Variants in ACACA observed in about 807,000 individuals in gnomAD.
ACACA encodes acetyl-CoA carboxylase alpha.
A neutral mutation model predicts 296.1 loss-of-function variants in ACACA; 103 were observed. The ratio of observed to expected loss-of-function variants is 0.35; its 90% CI spans 0.30 to 0.41. The LOEUF (loss-of-function observed/expected upper bound fraction) is 0.41. Among genes scored for constraint, ACACA ranks in the 10% least tolerant of loss-of-function variants. The pLI, the probability that ACACA is intolerant of heterozygous loss-of-function variation, is 1.00. For missense variants in ACACA, 1,554 were observed against 2,989.7 expected (o/e 0.52, Z 11.20); for synonymous variants, 953 against 1,038.6 (o/e 0.92, Z 1.58).
At chr17:37,312,512 C>A (rs1275759671) in intron 3 of ACACA, among the ~76,000 whole-genome samples, 1 of 152,136 alleles carries the variant, frequency 6.6e-6, no homozygotes, top group African/African-American at 2.4e-5. Context: ...ATATTGAAAG[C>A]ACTTAGTGCT....
rs112427568 is a variant in ACACA at position 37,203,111 on chromosome 17, G to A, written c.4057-2628C>T. ...CGAGTAGCTGGCGCTACAGGCGCCC[G>A]CCACCACACCTGGCTAATTTTTGTA... On this transcript the variant is annotated intron_variant, in intron 33 of 55. Transcript: ENST00000616317. Among the ~76,000 whole-genome samples the A allele has an allele frequency of 7.0e-3, 1,066 of 151,940 alleles. 3 individuals are homozygous for A. Among genetic ancestry groups the A allele is most frequent in the South Asian group, 0.017 (82 of 4,804 alleles).
intron 33 of ACACA, among the ~76,000 whole-genome samples, chr17:37,202,276 C>T (rs1383084161): frequency 1.3e-5 from 2 of 152,060 alleles, no homozygotes; most frequent in Non-Finnish European, 2.9e-5. Context: ...ATTGTTATTG[C>T]TTTTAAAATT....
chr17:37,129,555 A>G, intron 46 of ACACA, 70 bp from the exon 47 acceptor site: 3 of 1,602,856 alleles, frequency 1.9e-6, no homozygotes, highest in Non-Finnish European at 2.6e-6. Context: ...CAGCAACAAT[A>G]GTTATAGACA....
intron 22 of ACACA, among the ~76,000 whole-genome samples, 166 bp from the exon 23 acceptor site, chr17:37,242,219 T>C (rs2080449352): frequency 6.6e-6 from 1 of 152,096 alleles, no homozygotes; most frequent in African/African-American, 2.4e-5. Context: ...ATATAGAGAA[T>C]CACGCTACAT....
intron 30 of ACACA, among the ~76,000 whole-genome samples, chr17:37,208,091 A>G (rs549772611): frequency 2.0e-5 from 3 of 152,200 alleles, no homozygotes; most frequent in Non-Finnish European, 2.9e-5. Context: ...ACATTATAAG[A>G]TGTCCAATGA....
rs977670801 is a variant in ACACA, at chr17:37,377,844, C to T, written c.38+28418G>A. 5.1e-6 allele frequency: 8 copies of T among 1,554,902 alleles called. No homozygotes were observed. In the African/African-American group the frequency reaches 9.5e-5, roughly 19 times the overall value. Reference sequence around the variant, plus strand: ...AAATTCTGATTTTCCCCAAACCTTCCCCGGTTCCCCTCCTCCCCCTCTGCT... The same window carrying T: ...AAATTCTGATTTTCCCCAAACCTTCTCCGGTTCCCCTCCTCCCCCTCTGCT... On this transcript the variant is annotated intron_variant, in intron 1 of 55. Transcript: ENST00000616317.
At chr17:37,210,751 CAAAA>C (rs57591064) in intron 29 of ACACA, among the ~76,000 whole-genome samples, 1,040 of 72,420 alleles carry the variant, frequency 0.014, 16 homozygotes, top group African/African-American at 0.048. Context: ...GCTCTATTAC[CAAAA>C]AAAAAAAAAA....
intron 1 of ACACA, among the ~76,000 whole-genome samples, chr17:37,383,176 A>C (rs1056431128): frequency 6.6e-6 from 1 of 152,182 alleles, no homozygotes; most frequent in Non-Finnish European, 1.5e-5. Flanking sequence ...AAGTGGACTT[A>C]AGTCATTTTG....
rs918638304 is a variant in ACACA at position 37,219,669 on chromosome 17, TA to T, written c.3683+2054del. Among the ~76,000 whole-genome samples the T allele has an allele frequency of 6.0e-5, 9 of 148,844 alleles. 1 individual carries two copies. The highest frequency in any genetic ancestry group is 1.2e-4 in the African/African-American group (5 of 40,898). On this transcript the variant is annotated intron_variant, in intron 29 of 55. Transcript: ENST00000616317. ...GGGGGAAAAATATATTTTATATATA[TA>T]AAAAACATATTTTTCATATATATTA...
chr17:37,287,267 T>C (rs1171374531), intron 3 of ACACA, among the ~76,000 whole-genome samples: 1 of 152,200 alleles, frequency 6.6e-6, no homozygotes, highest in Non-Finnish European at 1.5e-5. Flanking sequence ...GCACAATATC[T>C]AGCTTTCTGT....
intron 5 of ACACA, 34 bp downstream of exon 5, chr17:37,283,233 T>A: frequency 6.2e-7 from 1 of 1,613,772 alleles, no homozygotes; most frequent in East Asian, 2.2e-5. Context: ...GTTTTAGTTT[T>A]GAGAGTGATG....
intron 8 of ACACA, 52 bp downstream of exon 8, chr17:37,275,899 T>A (rs2082266599): frequency 6.8e-7 from 1 of 1,472,090 alleles, no homozygotes; most frequent in African/African-American, 1.4e-5. Context: ...GTCCCAAATA[T>A]CCTACTGAGC....
At chr17:37,233,429 G>A (rs964947401) in intron 25 of ACACA, among the ~76,000 whole-genome samples, 8 of 152,178 alleles carry the variant, frequency 5.3e-5, no homozygotes, top group South Asian at 2.1e-4. Context: ...GAAACCCAGC[G>A]ACAGTCTTGG....
chr17:37,224,776 T>A (rs1471059593), intron 27 of ACACA, among the ~76,000 whole-genome samples: 1 of 152,036 alleles, frequency 6.6e-6, no homozygotes, highest in Non-Finnish European at 1.5e-5. Flanking sequence ...CAGGCCTATT[T>A]GATTTTTAAG....
chr17:37,278,212 G>A (rs1276766303), intron 5 of ACACA, among the ~76,000 whole-genome samples: 7 of 152,226 alleles, frequency 4.6e-5, no homozygotes, highest in African/African-American at 1.7e-4. Flanking sequence ...ATATTTAGAA[G>A]CTCTTATAGT....
intron 38 of ACACA, 48 bp from the exon 39 acceptor site, chr17:37,188,528 A>C: frequency 6.3e-7 from 1 of 1,597,188 alleles, no homozygotes; most frequent in Non-Finnish European, 8.6e-7. Flanking sequence ...TCTTCTAACT[A>C]AGACCTGTTT....
intron 15 of ACACA, among the ~76,000 whole-genome samples, chr17:37,252,357 T>C (rs878912506): frequency 3.9e-5 from 6 of 152,198 alleles, no homozygotes; most frequent in Non-Finnish European, 7.3e-5. Flanking sequence ...TAGCCAATCA[T>C]TGAATAGCTC....
chr17:37,168,501 G>A (rs1456712609), intron 41 of ACACA, among the ~76,000 whole-genome samples: 1 of 151,562 alleles, frequency 6.6e-6, no homozygotes, highest in Non-Finnish European at 1.5e-5. Context: ...CTACTTTAGT[G>A]TACGTTTGAG....
At chr17:37,176,970 C>A (rs2077138347) in intron 41 of ACACA, among the ~76,000 whole-genome samples, 1 of 152,092 alleles carries the variant, frequency 6.6e-6, no homozygotes. Context: ...CAGCCTCAAT[C>A]CTAGTCAATC....
Sources: gnomAD v4.1 joint callset for allele counts (sites outside exome capture counted in the v4.1 genomes callset) on GRCh38, gnomAD v4.1.1 for gene constraint, MANE v1.5 for transcripts, NCBI Gene and HGNC (gene_info 2026-07-23, HGNC 2026-07-21) for gene names.